The following RGS12 variants were observed in gnomAD, a reference collection of about 807,000 sequenced individuals.
The protein encoded by RGS12 is regulator of G protein signaling 12, also known as regulator of G-protein signaling 12.
In RGS12, 66 loss-of-function variants were observed where a neutral mutation model predicts 120.1. That is an observed-to-expected ratio of 0.55 (90% CI 0.45 to 0.67). RGS12 has a LOEUF of 0.67. RGS12 is among the 30% of genes least tolerant of loss of function. RGS12 has a pLI of 0.00. For synonymous variants in RGS12, 827 were observed against 804.7 expected, an observed-to-expected ratio of 1.03 and a Z score of -0.47; for missense variants, 1,859 against 1,957.7, an observed-to-expected ratio of 0.95 and a Z score of 0.95.
chr4:3,410,770 G>C (rs1335922140), intron 4 of RGS12, among the ~76,000 whole-genome samples: 1 of 152,226 alleles, frequency 6.6e-6, no homozygotes, highest in South Asian at 2.1e-4. Context: ...TCTGTGATGA[G>C]GCCAGTGAAC....
At chr4:3,421,248 A>G (rs1436216582) in intron 10 of RGS12, among the ~76,000 whole-genome samples, 1 of 152,240 alleles carries the variant, frequency 6.6e-6, no homozygotes. Flanking sequence ...AGGCGCAGGC[A>G]GGACTCGTGA....
chr4:3,392,724 C>G (rs1299072400), intron 4 of RGS12, among the ~76,000 whole-genome samples: 1 of 152,198 alleles, frequency 6.6e-6, no homozygotes, highest in East Asian at 1.9e-4. Context: ...TGCAGTGGTT[C>G]ATGCCTGTAA....
intron 3 of RGS12, among the ~76,000 whole-genome samples, chr4:3,344,352 G>A (rs1449774961): frequency 1.3e-5 from 2 of 152,200 alleles, no homozygotes; most frequent in African/African-American, 2.4e-5. Context: ...TGCTGATGAA[G>A]ACTCAAAAGG....
chr4:3,421,174 A>C (rs1212691977), intron 10 of RGS12, among the ~76,000 whole-genome samples: 1 of 151,864 alleles, frequency 6.6e-6, no homozygotes, highest in African/African-American at 2.4e-5. Flanking sequence ...ACCCTCTCAC[A>C]CCTGCTCACT....
chr4:3,391,515 C>G (rs1181869013), intron 4 of RGS12, among the ~76,000 whole-genome samples: 1 of 152,194 alleles, frequency 6.6e-6, no homozygotes, highest in Non-Finnish European at 1.5e-5. Flanking sequence ...CACAGAAGCC[C>G]TTGGTGCCCC....
At chr4:3,418,891 C>T (rs1722698465) in intron 9 of RGS12, 2 of 152,018 alleles carry the variant, frequency 1.3e-5, no homozygotes, top group Non-Finnish European at 2.9e-5. Context: ...CTTTGAAAAC[C>T]TTGATAGAGC....
chr4:3,310,191 C>CG (rs1434009268), intron 1 of RGS12, among the ~76,000 whole-genome samples: 3 of 51,476 alleles, frequency 5.8e-5, no homozygotes, highest in African/African-American at 2.3e-4. Context: ...AGCTGGGACC[C>CG]GGGAATGGCA....
intron 2 of RGS12, among the ~76,000 whole-genome samples, chr4:3,322,055 C>T (rs1280454997): frequency 2.0e-5 from 3 of 152,206 alleles, no homozygotes; most frequent in African/African-American, 4.8e-5. Context: ...TTGTCACTGC[C>T]GCCTCCATCC....
chr4:3,365,594 A>T lies in RGS12; in HGVS notation c.1999-20822A>T, dbSNP rs1470908609. On this transcript the variant is annotated intron_variant, in intron 3 of 17. Coordinates refer to ENST00000336727, the MANE Select transcript of RGS12 (RefSeq NM_001394154.1). This position sits in a 1 kb window ranked among gnomAD's most constrained non-coding sequence, Gnocchi z 4.0. ...CGGCCTTCTTGGCTGTTGGGTTGAT[A>T]ATGTTGGCTTCTTCCTGGCCTCCCA... is the stretch of plus-strand genomic sequence containing the variant. Among the ~76,000 whole-genome samples, 1 of 151,964 alleles carries T rather than the reference A, an allele frequency of 6.6e-6. No homozygotes were observed. The highest frequency in any genetic ancestry group is 2.4e-5 in the African/African-American group (1 of 41,354).
chr4:3,300,673 G>A (rs1723636204), intron 1 of RGS12, among the ~76,000 whole-genome samples: 1 of 152,162 alleles, frequency 6.6e-6, no homozygotes, highest in Non-Finnish European at 1.5e-5. Flanking sequence ...AGCTTCCAGG[G>A]CTCCCGGCAT....
chr4:3,394,413 T>G lies in RGS12; in HGVS notation c.2020+7976T>G, dbSNP rs1317668439. On this transcript the variant is annotated intron_variant, in intron 4 of 17. Transcript: ENST00000336727. ...CCTGACCTCAGGTGATAGACCCACC[T>G]TGGCCTCCCAAAGTGGTGGGATTAC... 2.0e-5 allele frequency among the ~76,000 whole-genome samples: 3 copies of G among 152,228 alleles called. No individual in the cohort carries two copies. In the East Asian group the frequency reaches 5.8e-4, roughly 29 times the overall value.
chr4:3,416,184 C>G, intron 7 of RGS12, 63 bp downstream of exon 7: 1 of 1,571,080 alleles, frequency 6.4e-7, no homozygotes, highest in Non-Finnish European at 8.7e-7. Flanking sequence ...TAGGGTCCAC[C>G]TTCAAAGAAC....
rs1724526463 is a variant in RGS12, at chr4:3,433,478, C to T, written c.4114+2523C>T. ...GTCCTAGCCCCAGTGCCACATGCCA[C>T]ACCACCCCATCCTAGCCCCAGCACC... On this transcript the variant is annotated intron_variant, in intron 17 of 17. Transcript: ENST00000336727. The surrounding 1 kb of genome is among the most constrained non-coding windows in gnomAD (Gnocchi z 4.4). 6.6e-6 allele frequency among the ~76,000 whole-genome samples: 1 copy of T among 152,046 alleles called. No homozygotes were observed. The highest frequency in any genetic ancestry group is 2.1e-4 in the South Asian group (1 of 4,830).
intron 3 of RGS12, chr4:3,385,012 G>C (rs1211465233): frequency 6.6e-6 from 1 of 152,420 alleles, no homozygotes; most frequent in Non-Finnish European, 1.5e-5. Context: ...CCCATACAGT[G>C]TGTGTCCCGG....
At chr4:3,406,327 G>T (rs777073848) in intron 4 of RGS12, among the ~76,000 whole-genome samples, 1 of 152,250 alleles carries the variant, frequency 6.6e-6, no homozygotes, top group Non-Finnish European at 1.5e-5. Context: ...CGGGTGGGCC[G>T]AATGAGGCCA....
chr4:3,400,341 G>T (rs1720452420), intron 4 of RGS12, among the ~76,000 whole-genome samples: 1 of 152,158 alleles, frequency 6.6e-6, no homozygotes, highest in Non-Finnish European at 1.5e-5. Context: ...CACCCTTAGG[G>T]AATTTTCCAT....
intron 2 of RGS12, among the ~76,000 whole-genome samples, chr4:3,340,313 G>T (rs897976812): frequency 1.3e-5 from 2 of 152,234 alleles, no homozygotes; most frequent in Non-Finnish European, 2.9e-5. Context: ...CAGTCCCCTG[G>T]GGGAGATTCC....
intron 1 of RGS12, among the ~76,000 whole-genome samples, chr4:3,306,255 G>A (rs913130730): frequency 3.9e-5 from 6 of 152,268 alleles, no homozygotes; most frequent in Admixed American, 1.3e-4. Flanking sequence ...GGACAGAAGC[G>A]GAAGGAGGAG....
chr4:3,430,481 C>G lies in RGS12; in HGVS notation c.3640C>G (p.Leu1214Val). 1.2e-6 allele frequency: 2 copies of G among 1,613,912 alleles called. No homozygotes were observed. The highest frequency in any genetic ancestry group is 1.7e-6 in the Non-Finnish European group (2 of 1,180,024). ...DQRGLLRKED[L>V]VLPEFLRLPP... ...ACGTGGGCTGCTAAGGAAGGAAGACCTGGTGTTGCCAGAGTTCCTCCGTTT... is the reference window on the plus strand; with the variant it reads ...ACGTGGGCTGCTAAGGAAGGAAGACGTGGTGTTGCCAGAGTTCCTCCGTTT... The change falls in exon 17 of 18, where the codon CTG becomes GTG. Residue 1214 changes from leucine (L) to valine (V), a missense_variant. Physicochemically the swap from Leu to Val is conservative, Grantham distance 32. This residue lies in a region of RGS12 where 517 missense variants were observed against 488.5 expected (regional missense o/e 1.06). Transcript: ENST00000336727.
Sources: allele counts gnomAD v4.1 joint callset (sites outside exome capture counted in the v4.1 genomes callset), GRCh38; gene constraint gnomAD v4.1.1; regional missense constraint gnomAD v4.1.1; non-coding constraint Gnocchi (gnomAD v3.1); transcripts MANE v1.5; gene names NCBI Gene and HGNC (gene_info 2026-07-23, HGNC 2026-07-21).